TFDP2: variants seen among roughly 807,000 people sequenced by gnomAD.
TFDP2 encodes transcription factor Dp-2.
In TFDP2, 17 loss-of-function variants were observed where a neutral mutation model predicts 59.3. That is an observed-to-expected ratio of 0.29 (90% CI 0.20 to 0.43). The LOEUF is 0.43. Among genes scored for constraint, TFDP2 ranks in the 20% least tolerant of loss-of-function variants. The pLI is 1.00. For missense variants in TFDP2, 391 were observed against 528.8 expected (o/e 0.74, Z 2.56); for synonymous variants, 180 against 194.7 (o/e 0.92, Z 0.63).
At chr3:142,124,092 G>A (rs2062149274) in intron 1 of TFDP2, among the ~76,000 whole-genome samples, 1 of 151,676 alleles carries the variant, frequency 6.6e-6, no homozygotes, top group Non-Finnish European at 1.5e-5. Flanking sequence ...AAATACATAG[G>A]GATACAAAAA....
At chr3:142,148,655 T>C (rs1335858239) in intron 1 of TFDP2, among the ~76,000 whole-genome samples, 1 of 152,200 alleles carries the variant, frequency 6.6e-6, no homozygotes, top group African/African-American at 2.4e-5. Context: ...TACACTTCTT[T>C]GTGAAGACAG....
chr3:142,080,225 A>G (rs550495329), intron 3 of TFDP2, among the ~76,000 whole-genome samples: 5 of 152,308 alleles, frequency 3.3e-5, no homozygotes, highest in African/African-American at 7.2e-5. Context: ...TCAGCCTCCC[A>G]AAGTGCTGGG....
chr3:142,101,628 CA>C, intron 2 of TFDP2, 106 bp downstream of exon 2: 1 of 662,572 alleles, frequency 1.5e-6, no homozygotes, highest in Non-Finnish European at 2.3e-6. Flanking sequence ...ATTATAAATC[CA>C]TGCAAGTAAA....
chr3:142,139,577 C>G (rs2062861498), intron 1 of TFDP2, among the ~76,000 whole-genome samples: 1 of 152,180 alleles, frequency 6.6e-6, no homozygotes, highest in Admixed American at 6.5e-5. Flanking sequence ...GAAAAAATCT[C>G]TCAGCATTTG....
At chr3:142,098,353 TAGAAAA>T (rs2108636654) in intron 2 of TFDP2, among the ~76,000 whole-genome samples, 1 of 151,322 alleles carries the variant, frequency 6.6e-6, no homozygotes, top group Non-Finnish European at 1.5e-5. Flanking sequence ...ATTTTTGGTC[TAGAAAA>T]ATATTACTGG....
intron 1 of TFDP2, among the ~76,000 whole-genome samples, chr3:142,146,911 G>A (rs186716056): frequency 6.6e-6 from 1 of 152,184 alleles, no homozygotes; most frequent in East Asian, 1.9e-4. Flanking sequence ...CTAGTTCAGT[G>A]AAAGAAATAA....
chr3:141,968,325 TATA>T (rs1938506126), intron 9 of TFDP2, among the ~76,000 whole-genome samples: 1 of 118,128 alleles, frequency 8.5e-6, no homozygotes. Context: ...ATATATAACA[TATA>T]ATATATATAA....
intron 1 of TFDP2, among the ~76,000 whole-genome samples, chr3:142,111,570 T>C (rs2061665413): frequency 6.8e-6 from 1 of 147,994 alleles, no homozygotes; most frequent in African/African-American, 2.5e-5. Context: ...ACAAACTGAG[T>C]AAACCACTGG....
rs2061491832 is a variant in TFDP2 at position 142,106,958 on chromosome 3, G to A, written c.-92-5117C>T. 5.9e-5 allele frequency among the ~76,000 whole-genome samples: 9 copies of A among 152,286 alleles called. No individual in the cohort carries two copies. The South Asian group carries it at 1.9e-3, about 32-fold the overall frequency. On this transcript the variant is annotated intron_variant, in intron 1 of 12. Coordinates refer to ENST00000489671, the MANE Select transcript of TFDP2 (RefSeq NM_001178139.2). ...AGTAACATAATTTGAATCAGGATGT[G>A]TAGACTTTCTAACACTGCCAAAAAA...
At chr3:142,140,495 T>C (rs2062908307) in intron 1 of TFDP2, among the ~76,000 whole-genome samples, 1 of 152,228 alleles carries the variant, frequency 6.6e-6, no homozygotes. Flanking sequence ...CCCATCTTTG[T>C]GGTTTTATCT....
chr3:142,097,068 T>C (rs2061185503), intron 2 of TFDP2, among the ~76,000 whole-genome samples: 1 of 152,234 alleles, frequency 6.6e-6, no homozygotes, highest in Non-Finnish European at 1.5e-5. Context: ...AGAATGTTAG[T>C]TTACTTAACT....
chr3:141,989,073 T>C (rs1942459438), intron 6 of TFDP2: 2 of 152,236 alleles, frequency 1.3e-5, no homozygotes, highest in African/African-American at 2.4e-5. Context: ...AGGGTGATAA[T>C]TACAACTTTA....
intron 10 of TFDP2, 106 bp from the exon 11 acceptor site, chr3:141,959,946 A>G: frequency 9.0e-7 from 1 of 1,111,332 alleles, no homozygotes. Context: ...ATCCAGCTAT[A>G]GTGCTAGAAA....
At chr3:142,077,132 T>C (rs755004858) in intron 3 of TFDP2, among the ~76,000 whole-genome samples, 1 of 152,162 alleles carries the variant, frequency 6.6e-6, no homozygotes, top group Non-Finnish European at 1.5e-5. Context: ...AGAGGGAACA[T>C]ATAGAACAGC....
At position 142,128,183 on chromosome 3, in the gene TFDP2, G is replaced by A. The variant is rs575942180; in HGVS notation, c.-93+21000C>T. ...CACCACTGCACTCCAGCCTGGGCAA[G>A]AGCAACACCCTGTCTCAAAAAAGAA... On this transcript the variant is annotated intron_variant, in intron 1 of 12. Transcript: ENST00000489671. 9.9e-5 allele frequency among the ~76,000 whole-genome samples: 15 copies of A among 152,226 alleles called. No individual in the cohort carries two copies. In the East Asian group the frequency reaches 2.9e-3, roughly 29 times the overall value.
At chr3:142,079,154 T>C (rs959956190) in intron 3 of TFDP2, among the ~76,000 whole-genome samples, 3 of 151,872 alleles carry the variant, frequency 2.0e-5, no homozygotes, top group Non-Finnish European at 4.4e-5. Flanking sequence ...AATACAAAAA[T>C]TAGCTGGGTG....
intron 2 of TFDP2, 52 bp downstream of exon 2, chr3:142,101,677 GGAAAAA>G: frequency 1.7e-6 from 2 of 1,146,870 alleles, no homozygotes; most frequent in Non-Finnish European, 2.4e-6. Flanking sequence ...AAAATATGTA[GGAAAAA>G]GCACAGCTCA....
At chr3:142,059,490 G>C (rs2059845864) in intron 3 of TFDP2, among the ~76,000 whole-genome samples, 1 of 152,102 alleles carries the variant, frequency 6.6e-6, no homozygotes, top group Non-Finnish European at 1.5e-5. Flanking sequence ...GAGTAGAAGA[G>C]AGTTGTGAAA....
chr3:142,144,027 T>G (rs1417485416), intron 1 of TFDP2, among the ~76,000 whole-genome samples: 3 of 137,480 alleles, frequency 2.2e-5, no homozygotes, highest in African/African-American at 7.5e-5. Flanking sequence ...GATGAATGAA[T>G]AAAGAAAATG....
Sources: allele counts gnomAD v4.1 joint callset (sites outside exome capture counted in the v4.1 genomes callset), GRCh38; gene constraint gnomAD v4.1.1; transcripts MANE v1.5; gene names NCBI Gene and HGNC (gene_info 2026-07-23, HGNC 2026-07-21).